Variants in GRID2 observed in about 807,000 individuals in gnomAD.
The protein encoded by GRID2 is glutamate ionotropic receptor delta type subunit 2.
Under a neutral mutation model 114.8 loss-of-function variants are expected in GRID2, and 33 were observed. The ratio of observed to expected loss-of-function variants is 0.29; its 90% CI spans 0.22 to 0.38. GRID2 has a LOEUF of 0.38. Ranked by LOEUF, GRID2 falls within the 10% of genes least tolerant of loss-of-function variation. GRID2 has a pLI of 1.00. For synonymous variants in GRID2, 505 were observed against 449.9 expected (o/e 1.12, Z -1.55); for missense variants, 1,184 against 1,257.7 (o/e 0.94, Z 0.89).
chr4:92,436,707 A>C (rs927759424), intron 1 of GRID2, among the ~76,000 whole-genome samples: 2 of 152,122 alleles, frequency 1.3e-5, no homozygotes, highest in Non-Finnish European at 2.9e-5. Context: ...GTAGCTATAA[A>C]TGTGTGTTAA....
chr4:92,697,312 G>A (rs770300092), intron 2 of GRID2, among the ~76,000 whole-genome samples: 5 of 152,080 alleles, frequency 3.3e-5, no homozygotes, highest in Non-Finnish European at 7.4e-5. Context: ...TGTTCCTGAT[G>A]ATACCTTCAT....
chr4:93,661,691 T>C (rs1723507143), intron 14 of GRID2, among the ~76,000 whole-genome samples: 1 of 152,186 alleles, frequency 6.6e-6, no homozygotes, highest in African/African-American at 2.4e-5. Context: ...GGAACAATGA[T>C]TGAATATCAG....
chr4:93,761,364 C>T, intron 14 of GRID2, among the ~76,000 whole-genome samples: 1 of 152,142 alleles, frequency 6.6e-6, no homozygotes, highest in East Asian at 1.9e-4. Flanking sequence ...GAGTTATTTT[C>T]TCTGAGGTTT....
chr4:93,005,541 A>G (rs2149222308), intron 2 of GRID2, among the ~76,000 whole-genome samples: 1 of 152,214 alleles, frequency 6.6e-6, no homozygotes, highest in Middle Eastern at 3.4e-3. Context: ...TATCACTTTC[A>G]AATAGAAACT....
intron 1 of GRID2, among the ~76,000 whole-genome samples, chr4:92,335,953 T>C (rs371044359): frequency 3.9e-5 from 6 of 152,312 alleles, no homozygotes; most frequent in African/African-American, 1.4e-4. Flanking sequence ...ACAAAATTTA[T>C]GTGTATACAC....
intron 13 of GRID2, among the ~76,000 whole-genome samples, chr4:93,536,382 G>C (rs1012368269): frequency 3.3e-5 from 5 of 151,830 alleles, no homozygotes; most frequent in Non-Finnish European, 7.4e-5. Flanking sequence ...ACAGAATAGG[G>C]ACCCCAGAAA....
chr4:93,261,112 C>T (rs1750207107), intron 8 of GRID2, among the ~76,000 whole-genome samples: 1 of 151,662 alleles, frequency 6.6e-6, no homozygotes, highest in Admixed American at 6.6e-5. Context: ...ATAGATCTTT[C>T]TCCAACTTTA....
chr4:92,643,553 GA>G (rs980406744), intron 2 of GRID2, among the ~76,000 whole-genome samples: 1 of 151,710 alleles, frequency 6.6e-6, no homozygotes, highest in African/African-American at 2.4e-5. Flanking sequence ...TTTAGGCTGA[GA>G]GTCAAATCAA....
chr4:93,562,830 A>G (rs979930090), intron 13 of GRID2, among the ~76,000 whole-genome samples: 1 of 152,006 alleles, frequency 6.6e-6, no homozygotes, highest in African/African-American at 2.4e-5. Flanking sequence ...TTTGTCAAAG[A>G]TCAAATTACT....
intron 13 of GRID2, among the ~76,000 whole-genome samples, chr4:93,592,120 G>A (rs1479759709): frequency 2.0e-5 from 3 of 151,962 alleles, no homozygotes; most frequent in Non-Finnish European, 2.9e-5. Context: ...GTTTCCTCTT[G>A]CTTTTCTAGT....
intron 4 of GRID2, among the ~76,000 whole-genome samples, chr4:93,131,730 G>GTAACTGGGTA (rs1405480973): frequency 4.6e-5 from 7 of 151,930 alleles, no homozygotes; most frequent in African/African-American, 1.7e-4. Flanking sequence ...GGGTAACTGG[G>GTAACTGGGTA]ATATTCATTA....
intron 2 of GRID2, among the ~76,000 whole-genome samples, chr4:92,941,816 T>A (rs1262366922): frequency 6.6e-6 from 1 of 152,180 alleles, no homozygotes; most frequent in Non-Finnish European, 1.5e-5. Flanking sequence ...CTGCGTTCAT[T>A]TTTTTGTGTA....
rs189102699 is a variant in GRID2, at chr4:92,825,409, C to T, written c.244+235123C>T. Among the ~76,000 whole-genome samples the T allele has an allele frequency of 3.7e-4, 56 of 152,184 alleles. No individual in the cohort carries two copies. In the East Asian group the frequency reaches 5.0e-3, roughly 14 times the overall value. ...TCTGCTTATCAGTTGTGCTATGGCACCGAGGAGGGTTACAAACATGCTGAG... is the reference window on the plus strand; with the variant it reads ...TCTGCTTATCAGTTGTGCTATGGCATCGAGGAGGGTTACAAACATGCTGAG... On this transcript the variant is annotated intron_variant, in intron 2 of 15. Transcript: ENST00000282020.
At chr4:92,940,930 G>T (rs1443618194) in intron 2 of GRID2, among the ~76,000 whole-genome samples, 1 of 152,140 alleles carries the variant, frequency 6.6e-6, no homozygotes, top group Non-Finnish European at 1.5e-5. Flanking sequence ...TCTTGATCAT[G>T]GTGGATAAGA....
At chr4:93,256,893 A>T (rs952385571) in intron 8 of GRID2, among the ~76,000 whole-genome samples, 12 of 151,912 alleles carry the variant, frequency 7.9e-5, no homozygotes, top group Non-Finnish European at 1.8e-4. Flanking sequence ...AAGTAGTGAC[A>T]TAGCAGGAGA....
intron 2 of GRID2, chr4:92,822,504 A>C (rs144063489): frequency 2.5e-6 from 1 of 396,914 alleles, no homozygotes; most frequent in Non-Finnish European, 4.9e-6. Flanking sequence ...CCACCTGGAC[A>C]GTGTATTTGT....
intron 4 of GRID2, 43 bp from the exon 5 acceptor site, chr4:93,207,360 GC>G: frequency 7.4e-7 from 1 of 1,359,810 alleles, no homozygotes; most frequent in Non-Finnish European, 1.1e-6. Flanking sequence ...GGTTTGTTTT[GC>G]ATGATTAATT....
At chr4:93,360,979 C>T (rs1486307861) in intron 8 of GRID2, among the ~76,000 whole-genome samples, 1 of 151,644 alleles carries the variant, frequency 6.6e-6, no homozygotes, top group African/African-American at 2.4e-5. Context: ...ATCAAATGTA[C>T]TTTTATAACA....
At chr4:93,164,166 A>T (rs896487107) in intron 4 of GRID2, among the ~76,000 whole-genome samples, 3 of 152,018 alleles carry the variant, frequency 2.0e-5, no homozygotes, top group African/African-American at 7.2e-5. Context: ...GGGGGAAAAA[A>T]AAGGTAATTT....
Sources: allele counts gnomAD v4.1 joint callset (sites outside exome capture counted in the v4.1 genomes callset), GRCh38; gene constraint gnomAD v4.1.1; transcripts MANE v1.5; gene names NCBI Gene and HGNC (gene_info 2026-07-23, HGNC 2026-07-21).